RASSF3: variants seen among roughly 807,000 people sequenced by gnomAD.
RASSF3 encodes ras association domain-containing protein 3.
Under a neutral mutation model 19.9 loss-of-function variants are expected in RASSF3, and 19 were observed. The ratio of observed to expected loss-of-function variants is 0.96; its 90% confidence interval spans 0.67 to 1.40. The LOEUF (loss-of-function observed/expected upper bound fraction) is 1.40, where lower values mean the gene tolerates loss of function less well. Among genes scored for constraint, RASSF3 ranks in the 40% most tolerant of loss-of-function variants. The pLI is 0.00. For missense variants in RASSF3, 306 were observed against 289.8 expected (o/e 1.06, Z -0.41); for synonymous variants, 110 against 104.2 (o/e 1.06, Z -0.34).
intron 1 of RASSF3, among the ~76,000 whole-genome samples, chr12:64,631,027 A>G (rs1871151769): frequency 6.6e-6 from 1 of 152,166 alleles, no homozygotes; most frequent in South Asian, 2.1e-4. Context: ...CCTGGTCTGC[A>G]GAGAGAGCTT....
chr12:64,652,296 T>C (rs1871985795), intron 1 of RASSF3, among the ~76,000 whole-genome samples: 2 of 152,216 alleles, frequency 1.3e-5, no homozygotes, highest in Non-Finnish European at 2.9e-5. Context: ...TGATAAACTT[T>C]CTGTATCTTT....
chr12:64,627,198 GAC>G (rs1034804620), intron 1 of RASSF3, among the ~76,000 whole-genome samples: 3 of 152,188 alleles, frequency 2.0e-5, no homozygotes, highest in Non-Finnish European at 4.4e-5. Context: ...GTAAATTAAT[GAC>G]ACATTCTCAG....
chr12:64,555,861 C>A (rs1350677171), intron 2 of RASSF3, among the ~76,000 whole-genome samples: 1 of 151,890 alleles, frequency 6.6e-6, no homozygotes, highest in Non-Finnish European at 1.5e-5. Context: ...TGAGACCAGC[C>A]TGGGCAACAT....
intron 1 of RASSF3, among the ~76,000 whole-genome samples, chr12:64,641,419 C>CACACACAT (rs769330728): frequency 2.0e-5 from 3 of 150,664 alleles, no homozygotes; most frequent in Non-Finnish European, 4.4e-5. Flanking sequence ...CACACACGCG[C>CACACACAT]GCGCGCGCGT....
At chr12:64,648,802 A>ATTTTTTTTTTTTTTT (rs60003798) in intron 1 of RASSF3, among the ~76,000 whole-genome samples, 1 of 104,994 alleles carries the variant, frequency 9.5e-6, no homozygotes, top group Non-Finnish European at 1.8e-5. Flanking sequence ...TTTTACATTG[A>ATTTTTTTTTTTTTTT]TTTTTTTTTT....
chr12:64,617,333 C>T (rs1361306143), intron 1 of RASSF3, among the ~76,000 whole-genome samples: 3 of 152,128 alleles, frequency 2.0e-5, no homozygotes, highest in East Asian at 3.8e-4. Flanking sequence ...TTATTGTGTG[C>T]CTCCTATGTG....
intron 2 of RASSF3, among the ~76,000 whole-genome samples, chr12:64,579,200 T>C (rs1869646120): frequency 1.3e-5 from 2 of 152,138 alleles, no homozygotes; most frequent in South Asian, 2.1e-4. Context: ...TTAGAAAGTC[T>C]GCACCTTTTT....
intron 1 of RASSF3, among the ~76,000 whole-genome samples, chr12:64,680,462 T>C (rs1278643518): frequency 2.0e-5 from 3 of 151,980 alleles, no homozygotes; most frequent in Admixed American, 6.6e-5. Flanking sequence ...CTTAGGCAGG[T>C]ACCTGGCACA....
intron 2 of RASSF3, among the ~76,000 whole-genome samples, chr12:64,570,836 G>T (rs1309396858): frequency 1.3e-5 from 2 of 152,170 alleles, no homozygotes; most frequent in Non-Finnish European, 2.9e-5. Flanking sequence ...GCTCCGTGAA[G>T]TGTCCTACCC....
At chr12:64,507,918 G>C (rs1000304843) in intron 1 of RASSF3, among the ~76,000 whole-genome samples, 1 of 152,096 alleles carries the variant, frequency 6.6e-6, no homozygotes, top group Non-Finnish European at 1.5e-5. Flanking sequence ...AGAGGAGAGG[G>C]GGTTAAAGGG....
At chr12:64,546,562 A>C (rs1197188288), downstream of RASSF3, among the ~76,000 whole-genome samples, 1 of 152,202 alleles carries the variant, frequency 6.6e-6, no homozygotes, top group South Asian at 2.1e-4. Flanking sequence ...GAGCCACTGC[A>C]CCTGGCCAAT....
chr12:64,659,951 CGTGT>C (rs200835780), intron 1 of RASSF3, among the ~76,000 whole-genome samples: 5,258 of 144,726 alleles, frequency 0.036, 129 homozygotes, highest in Non-Finnish European at 0.041. Flanking sequence ...TCATCTAATA[CGTGT>C]GTGTGTGTGT....
intron 2 of RASSF3, 41 bp from the exon 3 acceptor site, chr12:64,688,175 C>A: frequency 7.1e-7 from 1 of 1,416,024 alleles, no homozygotes; most frequent in Non-Finnish European, 1.0e-6. Flanking sequence ...TAAAGTGCCA[C>A]CATCCACCCA....
At chr12:64,509,602 AAGT>A (rs1163192380) in intron 1 of RASSF3, among the ~76,000 whole-genome samples, 7 of 152,318 alleles carry the variant, frequency 4.6e-5, no homozygotes, top group African/African-American at 1.7e-4. Context: ...AATGGTGAGT[AAGT>A]AACAGAATGT....
At chr12:64,555,496 T>C (rs1482718209) in intron 2 of RASSF3, among the ~76,000 whole-genome samples, 1 of 152,166 alleles carries the variant, frequency 6.6e-6, no homozygotes, top group Non-Finnish European at 1.5e-5. Flanking sequence ...ACGCCTGTAA[T>C]CCCAGGACTT....
At chr12:64,531,856 C>A (rs766597427), upstream of RASSF3, among the ~76,000 whole-genome samples, 9 of 152,170 alleles carry the variant, frequency 5.9e-5, no homozygotes, top group Non-Finnish European at 1.0e-4. Context: ...AGTGACAGAG[C>A]CAGCTGAGAA....
intron 2 of RASSF3, among the ~76,000 whole-genome samples, chr12:64,569,780 A>G (rs572632208): frequency 6.6e-6 from 1 of 152,340 alleles, no homozygotes; most frequent in South Asian, 2.1e-4. Context: ...AGCCTGACCA[A>G]CATGAAGAAA....
intron 1 of RASSF3, among the ~76,000 whole-genome samples, chr12:64,663,526 A>AT (rs112394432): frequency 1.0e-3 from 154 of 147,358 alleles, no homozygotes; most frequent in East Asian, 3.6e-3. Context: ...TGTTATTGTT[A>AT]TTTTTTTTTT....
At chr12:64,577,451 T>A (rs1375844656) in intron 2 of RASSF3, among the ~76,000 whole-genome samples, 3 of 152,132 alleles carry the variant, frequency 2.0e-5, no homozygotes, top group Non-Finnish European at 4.4e-5. Flanking sequence ...GTAGGAGTGG[T>A]TGGGTTTGGT....
Sources: gnomAD v4.1 joint callset for allele counts (sites outside exome capture counted in the v4.1 genomes callset) on GRCh38, gnomAD v4.1.1 for gene constraint, MANE v1.5 for transcripts, NCBI Gene and HGNC (gene_info 2026-07-23, HGNC 2026-07-21) for gene names.